ERC2: variants seen among roughly 807,000 people sequenced by gnomAD.
The protein encoded by ERC2 is ERC protein 2.
ERC2 carries 42 observed loss-of-function variants against 114.8 expected under a neutral mutation model. The observed-to-expected ratio is 0.37, with a 90% CI of 0.29 to 0.47. The LOEUF (loss-of-function observed/expected upper bound fraction) is 0.47, where lower values mean the gene tolerates loss of function less well. Ranked by LOEUF, ERC2 falls within the 20% of genes least tolerant of loss-of-function variation. The probability of loss-of-function intolerance (pLI) is 0.99; values close to 1 mark genes in which losing one functional copy is unlikely to be tolerated. For missense variants in ERC2, 939 were observed against 1,150.7 expected, an observed-to-expected ratio of 0.82 and a Z score of 2.66; for synonymous variants, 454 against 425.5, an observed-to-expected ratio of 1.07 and a Z score of -0.82.
In ERC2 at chr3:55,739,897, A is replaced by G. The variant is rs142779029; in HGVS notation, c.2565-4979T>C. The stretch of plus-strand genomic sequence containing the variant: ...GAGTTTTTATGGTTTTAGGTCTTAC[A>G]TTTCAGTCTTTAATCCATCTTGAAT... On this transcript the variant is annotated intron_variant, in intron 14 of 17. Transcript: ENST00000288221. Among the ~76,000 whole-genome samples, 222 of 152,128 alleles carry G rather than the reference A, an allele frequency of 1.5e-3. 1 individual carries two copies. The highest frequency in any genetic ancestry group is 6.8e-3 in the Middle Eastern group (2 of 294).
chr3:55,630,109 C>T (rs1394205686), intron 17 of ERC2, among the ~76,000 whole-genome samples: 1 of 152,214 alleles, frequency 6.6e-6, no homozygotes. Context: ...ATTAAAGGCT[C>T]ATGAAATATT....
intron 14 of ERC2, among the ~76,000 whole-genome samples, chr3:55,823,693 T>C (rs1002471231): frequency 6.6e-6 from 1 of 152,192 alleles, no homozygotes; most frequent in African/African-American, 2.4e-5. Flanking sequence ...AACATACTAC[T>C]TACTAAACTC....
intron 14 of ERC2, among the ~76,000 whole-genome samples, chr3:55,811,193 A>G (rs13314632): frequency 0.059 from 8,915 of 152,338 alleles, 391 homozygotes; most frequent in African/African-American, 0.12. Flanking sequence ...AGGGGCCACC[A>G]TATTAACATC....
chr3:56,457,350 T>A (rs2063110104), intron 1 of ERC2, among the ~76,000 whole-genome samples: 2 of 152,166 alleles, frequency 1.3e-5, no homozygotes, highest in South Asian at 2.1e-4. Flanking sequence ...TTATTAAGGC[T>A]GTATAAATTG....
chr3:55,554,575 C>G (rs375042522), intron 17 of ERC2, among the ~76,000 whole-genome samples: 1 of 152,226 alleles, frequency 6.6e-6, no homozygotes, highest in Admixed American at 6.5e-5. Flanking sequence ...TGTGGATGGT[C>G]TCAGGCTGCT....
At chr3:55,879,189 C>G (rs1036882191) in intron 14 of ERC2, among the ~76,000 whole-genome samples, 1 of 136,920 alleles carries the variant, frequency 7.3e-6, no homozygotes, top group African/African-American at 2.8e-5. Context: ...GTTTCATCTA[C>G]GTGACAGGGC....
chr3:56,133,263 C>A (rs2080310198), intron 6 of ERC2, among the ~76,000 whole-genome samples: 1 of 152,100 alleles, frequency 6.6e-6, no homozygotes, highest in Non-Finnish European at 1.5e-5. Flanking sequence ...CATGGCAAAA[C>A]CCTGTCTCTA....
intron 3 of ERC2, among the ~76,000 whole-genome samples, chr3:56,256,446 T>C (rs9822225): frequency 0.94 from 143,192 of 152,240 alleles, 67,581 homozygotes; most frequent in East Asian, 1. Flanking sequence ...TGAGACAGAT[T>C]TATTTTCTCT....
intron 13 of ERC2, among the ~76,000 whole-genome samples, chr3:55,937,209 G>A (rs913933807): frequency 6.6e-6 from 1 of 152,144 alleles, no homozygotes; most frequent in African/African-American, 2.4e-5. Flanking sequence ...GTTAGTAGAT[G>A]AGCCAGGCTC....
chr3:56,365,325 C>G (rs2059109097), intron 2 of ERC2, among the ~76,000 whole-genome samples: 1 of 152,204 alleles, frequency 6.6e-6, no homozygotes, highest in Admixed American at 6.5e-5. Context: ...CAATTGCCTA[C>G]AGTATTCAGT....
At chr3:56,170,125 A>G (rs1387099430) in intron 4 of ERC2, among the ~76,000 whole-genome samples, 23 of 152,266 alleles carry the variant, frequency 1.5e-4, no homozygotes, top group Admixed American at 1.5e-3. Context: ...AACTTGGAAC[A>G]TACCTGCCAG....
intron 13 of ERC2, among the ~76,000 whole-genome samples, chr3:55,933,208 CAA>C (rs36050362): frequency 5.8e-5 from 8 of 138,254 alleles, no homozygotes; most frequent in Admixed American, 7.2e-5. Flanking sequence ...GACTTTGTCT[CAA>C]AAAAAAAAAA....
At chr3:56,205,776 T>C (rs533924325) in intron 3 of ERC2, among the ~76,000 whole-genome samples, 1 of 152,196 alleles carries the variant, frequency 6.6e-6, no homozygotes, top group African/African-American at 2.4e-5. Context: ...TCCCAAGGTC[T>C]GGAGAATCAA....
Position 56,117,795 on chromosome 3 carries a change from C to T in ERC2, c.1473+21714G>A, listed in dbSNP as rs866744399. On this transcript the variant is annotated intron_variant, in intron 6 of 17. Coordinates refer to ENST00000288221, the MANE Select transcript of ERC2 (RefSeq NM_015576.3). Reference sequence around the variant, plus strand: ...TGTAAAAGGAGTTCATCCTTGTCTACACTGTATTGTCACTTCAGCATCCAA... The same window carrying T: ...TGTAAAAGGAGTTCATCCTTGTCTATACTGTATTGTCACTTCAGCATCCAA... Among the ~76,000 whole-genome samples, 4 of 152,362 alleles carry T rather than the reference C, an allele frequency of 2.6e-5. No homozygotes were observed. In the Middle Eastern group the frequency reaches 0.01, roughly 389 times the overall value.
chr3:55,841,509 T>C (rs991071587), intron 14 of ERC2, among the ~76,000 whole-genome samples: 6 of 152,182 alleles, frequency 3.9e-5, no homozygotes, highest in African/African-American at 1.4e-4. Context: ...GTCTCGGGTA[T>C]GTCTTTATTA....
In ERC2 at chr3:56,090,758, G is replaced by C. The variant is rs144776810; in HGVS notation, c.1474-9774C>G. ...CACCCAAATAGTGAACATTGTGCCC[G>C]ATAGGTGATTTTTCAATGCTCCCTG... On this transcript the variant is annotated intron_variant, in intron 6 of 17. Coordinates refer to ENST00000288221, the MANE Select transcript of ERC2 (RefSeq NM_015576.3). 2.0e-5 allele frequency among the ~76,000 whole-genome samples: 3 copies of C among 150,156 alleles called. No homozygotes were observed. In the East Asian group the frequency reaches 5.9e-4, roughly 30 times the overall value.
At chr3:56,151,699 C>T (rs1410023734) in intron 4 of ERC2, among the ~76,000 whole-genome samples, 1 of 152,138 alleles carries the variant, frequency 6.6e-6, no homozygotes, top group African/African-American at 2.4e-5. Flanking sequence ...CACTAAGATA[C>T]ATGACTAAAA....
intron 8 of ERC2, among the ~76,000 whole-genome samples, chr3:56,018,526 T>C (rs567150177): frequency 4.0e-5 from 6 of 151,788 alleles, no homozygotes; most frequent in Admixed American, 1.3e-4. Context: ...AGGCTGGAAA[T>C]GAAAGAAAGA....
Position 56,319,942 on chromosome 3 carries a change from C to T in ERC2, c.658-23507G>A, listed in dbSNP as rs1477113418. On this transcript the variant is annotated intron_variant, in intron 2 of 17. Transcript: ENST00000288221. ...AAATTTCCAAAACTCACTAAAGATA[C>T]AGGGAGCAAATGTGTTACAGCAGGG... 2.0e-5 allele frequency among the ~76,000 whole-genome samples: 3 copies of T among 152,278 alleles called. No individual in the cohort carries two copies. The East Asian group carries it at 5.8e-4, about 29-fold the overall frequency.
Sources: allele counts gnomAD v4.1 joint callset (sites outside exome capture counted in the v4.1 genomes callset), GRCh38; gene constraint gnomAD v4.1.1; transcripts MANE v1.5; gene names NCBI Gene and HGNC (gene_info 2026-07-23, HGNC 2026-07-21).